Variants in WWOX observed in about 807,000 individuals in gnomAD.
WWOX encodes the protein WW domain-containing oxidoreductase.
A neutral mutation model predicts 46.2 loss-of-function variants in WWOX; 69 were observed. That is an observed-to-expected ratio of 1.49 (90% CI 1.23 to 1.82). The LOEUF is 1.82. Ranked by LOEUF, WWOX falls within the 40% of genes most tolerant of loss-of-function variation. The pLI is 0.00. For missense variants in WWOX, 919 were observed against 542.6 expected (o/e 1.69, Z -6.89); for synonymous variants, 359 against 202.6 (o/e 1.77, Z -6.56).
In WWOX at chr16:79,091,320, C is replaced by T. The variant is rs114601323; in HGVS notation, c.1057-120288C>T. Among the ~76,000 whole-genome samples the T allele has an allele frequency of 5.4e-3, 826 of 151,776 alleles. 8 individuals carry two copies. Among genetic ancestry groups the T allele is most frequent in the African/African-American group, 0.018 (758 of 41,360 alleles). ...TTCTCACCTTTTGCTATATGCTGAT[C>T]CCAGTGCATGAAATTTTTTTGTAAT... is the stretch of plus-strand genomic sequence containing the variant. On this transcript the variant is annotated intron_variant, in intron 8 of 8. Coordinates refer to ENST00000566780, the MANE Select transcript of WWOX (RefSeq NM_016373.4).
chr16:78,931,295 C>G (rs1253792061), intron 8 of WWOX, among the ~76,000 whole-genome samples: 2 of 152,078 alleles, frequency 1.3e-5, no homozygotes, highest in African/African-American at 2.4e-5. Context: ...AAGAGAAACT[C>G]CCAATCTGAA....
intron 8 of WWOX, among the ~76,000 whole-genome samples, chr16:78,437,129 C>G (rs1365435383): frequency 1.3e-5 from 2 of 152,188 alleles, no homozygotes; most frequent in African/African-American, 4.8e-5. Flanking sequence ...GCAAGAAATA[C>G]AACCCAGACT....
intron 8 of WWOX, among the ~76,000 whole-genome samples, chr16:79,150,310 T>G (rs2050254458): frequency 6.6e-6 from 1 of 152,224 alleles, no homozygotes; most frequent in Non-Finnish European, 1.5e-5. Context: ...ACAAGGGATT[T>G]CACCTCTCTG....
chr16:78,775,277 G>C (rs1206488508), intron 8 of WWOX, among the ~76,000 whole-genome samples: 2 of 152,172 alleles, frequency 1.3e-5, no homozygotes, highest in Admixed American at 6.5e-5. Context: ...TTGTGGGTTT[G>C]AAATTTATGA....
Position 78,227,885 on chromosome 16 carries a change from AC to A in WWOX, c.516+63597del, listed in dbSNP as rs534806197. Among the ~76,000 whole-genome samples, 665 of 152,182 alleles carry A rather than the reference AC, an allele frequency of 4.4e-3. 5 individuals are homozygous for A. The highest frequency in any genetic ancestry group is 0.015 in the African/African-American group (619 of 41,508). ...AGCGAAACTCTGTCTCAAAAAACAAACAAAAAGAAACATACCGGGAGATCTG... is the reference window on the plus strand; with the variant it reads ...AGCGAAACTCTGTCTCAAAAAACAAAAAAAAGAAACATACCGGGAGATCTG... On this transcript the variant is annotated intron_variant, in intron 5 of 8. Coordinates refer to ENST00000566780, the MANE Select transcript of WWOX (RefSeq NM_016373.4).
intron 5 of WWOX, among the ~76,000 whole-genome samples, chr16:78,221,909 A>G (rs1346566558): frequency 6.6e-6 from 1 of 152,072 alleles, no homozygotes; most frequent in Non-Finnish European, 1.5e-5. Context: ...ATTGGGCCCT[A>G]TTTGTCTTCC....
At chr16:78,748,792 C>T (rs1383023045) in intron 8 of WWOX, among the ~76,000 whole-genome samples, 1 of 152,200 alleles carries the variant, frequency 6.6e-6, no homozygotes, top group Non-Finnish European at 1.5e-5. Flanking sequence ...ATGCGTCTTG[C>T]CCTCTGACAC....
At chr16:78,580,080 T>A (rs2045011036) in intron 8 of WWOX, among the ~76,000 whole-genome samples, 1 of 151,830 alleles carries the variant, frequency 6.6e-6, no homozygotes, top group Admixed American at 6.6e-5. Context: ...AGGAAATTTT[T>A]TTTTTTTTTT....
chr16:78,824,555 G>A (rs568651384), intron 8 of WWOX, among the ~76,000 whole-genome samples: 2 of 152,258 alleles, frequency 1.3e-5, no homozygotes, highest in South Asian at 4.2e-4. Context: ...AGAAAAAGAG[G>A]TTTAATTGGA....
chr16:79,030,904 G>C (rs1037099047), intron 8 of WWOX, among the ~76,000 whole-genome samples: 18 of 151,986 alleles, frequency 1.2e-4, no homozygotes, highest in African/African-American at 3.9e-4. Context: ...GGAACATAGT[G>C]AGACCCCTGT....
intron 5 of WWOX, among the ~76,000 whole-genome samples, chr16:78,376,680 C>T (rs75436498): frequency 0.023 from 3,477 of 152,188 alleles, 137 homozygotes; most frequent in African/African-American, 0.08. Context: ...CTGACCTCTG[C>T]CCCCTGGATG....
chr16:78,700,716 A>G (rs576262946), intron 8 of WWOX, among the ~76,000 whole-genome samples: 154 of 152,208 alleles, frequency 1.0e-3, no homozygotes, highest in African/African-American at 3.7e-3. Flanking sequence ...GCCACCTCAT[A>G]GTCTTGTTGG....
At chr16:78,695,520 A>C (rs1192675028) in intron 8 of WWOX, among the ~76,000 whole-genome samples, 1 of 152,310 alleles carries the variant, frequency 6.6e-6, no homozygotes, top group African/African-American at 2.4e-5. Context: ...TTCATCAGAG[A>C]GTAGCATGCA....
intron 8 of WWOX, among the ~76,000 whole-genome samples, chr16:78,443,788 A>G (rs2083498452): frequency 6.6e-6 from 1 of 151,806 alleles, no homozygotes; most frequent in South Asian, 2.1e-4. Context: ...CTCTTTTATT[A>G]CTTTTCTTTT....
At chr16:78,867,338 A>G (rs776808557) in intron 8 of WWOX, among the ~76,000 whole-genome samples, 16 of 152,248 alleles carry the variant, frequency 1.1e-4, no homozygotes, top group Admixed American at 3.9e-4. Context: ...ATATTTATCA[A>G]TATACTTTTT....
At chr16:79,076,184 C>A (rs1419389923) in intron 8 of WWOX, among the ~76,000 whole-genome samples, 1 of 152,208 alleles carries the variant, frequency 6.6e-6, no homozygotes, top group South Asian at 2.1e-4. Flanking sequence ...ATCTTCATAT[C>A]AGGGAACAAA....
chr16:79,090,781 C>T (rs545966095), intron 8 of WWOX, among the ~76,000 whole-genome samples: 4 of 152,118 alleles, frequency 2.6e-5, no homozygotes, highest in Non-Finnish European at 5.9e-5. Context: ...CATGCCCTGC[C>T]TTGTTGGTTT....
intron 8 of WWOX, among the ~76,000 whole-genome samples, chr16:78,782,945 C>G (rs545334464): frequency 1.1e-4 from 17 of 152,144 alleles, no homozygotes; most frequent in Non-Finnish European, 2.2e-4. Context: ...GCATAGATTT[C>G]TCATACATCA....
intron 8 of WWOX, among the ~76,000 whole-genome samples, chr16:78,507,993 CGTGCGTGTGTGTGTGTGTGTGTGTGT>C (rs2085258199): frequency 2.1e-5 from 3 of 145,462 alleles, no homozygotes; most frequent in Non-Finnish European, 4.6e-5. Context: ...TTTTTGGTTG[CGTGCGTGTGTGTGTGTGTGTGTGTGT>C]GTGTGTGTGA....
Sources: allele counts gnomAD v4.1 joint callset (sites outside exome capture counted in the v4.1 genomes callset), GRCh38; gene constraint gnomAD v4.1.1; transcripts MANE v1.5; gene names NCBI Gene and HGNC (gene_info 2026-07-23, HGNC 2026-07-21).